AXIN1: variants seen among roughly 807,000 people sequenced by gnomAD.
AXIN1 encodes the protein axin 1.
In AXIN1, 30 loss-of-function variants were observed where a neutral mutation model predicts 76.4. That is an observed-to-expected ratio of 0.39 (90% CI 0.29 to 0.53). AXIN1 has a LOEUF of 0.53. AXIN1 is among the 20% of genes least tolerant of loss of function. AXIN1 has a pLI of 0.66. For missense variants in AXIN1, 1,140 were observed against 1,198.8 expected (o/e 0.95, Z 0.72); for synonymous variants, 545 against 501.4 (o/e 1.09, Z -1.16).
Position 289,595 on chromosome 16 carries a change from C to G in AXIN1, c.2307G>C (p.Gln769His), listed in dbSNP as rs2141469084. 6.2e-7 allele frequency: 1 copy of G among 1,612,828 alleles called. No homozygotes were observed. The highest frequency in any genetic ancestry group is 8.5e-7 in the Non-Finnish European group (1 of 1,179,910). The change falls in exon 10 of 11, where the codon CAG becomes CAC. Residue 769 changes from glutamine to histidine, a missense_variant. Gln to His is a conservative substitution (Grantham distance 24). This residue lies in a region of AXIN1 where 429 missense variants were observed against 405.8 expected (regional missense o/e 1.06). Transcript: ENST00000262320. ...MELSETETRS[Q>H]RKVGGGSAQP... ...GGGCACTCCCGCCGCCCACCTTCCTCTGCGATCTTGTCCTGGGGAAAGAGA... is the reference window on the plus strand; with the variant it reads ...GGGCACTCCCGCCGCCCACCTTCCTGTGCGATCTTGTCCTGGGGAAAGAGA...
intron 2 of AXIN1, among the ~76,000 whole-genome samples, chr16:326,394 T>TATATATATATATACACACAC (rs144093618): frequency 6.8e-4 from 81 of 119,610 alleles, no homozygotes; most frequent in Non-Finnish European, 9.7e-4. Context: ...TATATATATA[T>TATATATATATATACACACAC]ACACACCTAT....
intron 2 of AXIN1, among the ~76,000 whole-genome samples, chr16:324,555 T>A (rs1020006411): frequency 6.6e-6 from 1 of 152,280 alleles, no homozygotes; most frequent in Non-Finnish European, 1.5e-5. Context: ...CAAACACAAC[T>A]GAGCAGAAAA....
At chr16:288,862 G>A (rs988357778) in intron 10 of AXIN1, among the ~76,000 whole-genome samples, 2 of 152,208 alleles carry the variant, frequency 1.3e-5, no homozygotes, top group Non-Finnish European at 2.9e-5. Context: ...AGACAAGGTC[G>A]GCCTAGGGGA....
intron 1 of AXIN1, among the ~76,000 whole-genome samples, chr16:350,832 T>C (rs1222130832): frequency 1.3e-5 from 2 of 152,116 alleles, no homozygotes; most frequent in African/African-American, 4.8e-5. Flanking sequence ...TGAATGGAGA[T>C]CTTAAAACTG....
chr16:309,663 C>T (rs75135619), intron 4 of AXIN1, among the ~76,000 whole-genome samples: 3,360 of 152,324 alleles, frequency 0.022, 110 homozygotes, highest in African/African-American at 0.077. Flanking sequence ...AGAGCTCCCC[C>T]TCTTGAGGGG....
At position 288,257 on chromosome 16, in the gene AXIN1, C is replaced by T. The variant is rs768762328; in HGVS notation, c.2463-9G>A. On this transcript the variant is annotated splice_polypyrimidine_tract_variant and intron_variant, in intron 10 of 10. Coordinates refer to ENST00000262320, the MANE Select transcript of AXIN1 (RefSeq NM_003502.4). The stretch of plus-strand genomic sequence containing the variant: ...CTTTCTTGAAGTAGTATCTGCAGGA[C>T]GGAGGTGAGGAGGGCAGTGAGCAGG... 4.8e-5 allele frequency: 78 copies of T among 1,613,340 alleles called. No individual in the cohort carries two copies. The Admixed American group carries it at 8.7e-4, about 18-fold the overall frequency.
chr16:314,656 G>A lies in AXIN1; in HGVS notation c.906C>T (p.Asn302=), dbSNP rs2053259761. ...CATAGCCGGCATTGACATAATAGGG[G>A]TTGACTGGCTCCCGCCAGGATCCAT... The part of the protein sequence containing the change: ...FRYGSWREPV[N]PYYVNAGYAL... The change falls in exon 3 of 11, where the codon AAC becomes AAT. Residue 302 remains asparagine (N), a synonymous_variant. Transcript: ENST00000262320. 6.2e-7 allele frequency: 1 copy of A among 1,613,912 alleles called. No individual in the cohort carries two copies. The highest frequency in any genetic ancestry group is 8.5e-7 in the Non-Finnish European group (1 of 1,180,036).
intron 2 of AXIN1, among the ~76,000 whole-genome samples, chr16:343,743 G>A (rs1489435067): frequency 6.6e-6 from 1 of 150,736 alleles, no homozygotes; most frequent in Non-Finnish European, 1.5e-5. Flanking sequence ...GCCAGGTGCA[G>A]TGGCTCCCAC....
Position 314,637 on chromosome 16 carries a change from C to T in AXIN1, c.925G>A (p.Gly309Ser), listed in dbSNP as rs774810442. The T allele has an allele frequency of 7.4e-6, 12 of 1,613,854 alleles. No homozygotes were observed. The highest frequency in any genetic ancestry group is 5.3e-5 in the African/African-American group (4 of 74,924). The change falls in exon 3 of 11, where the codon GGC becomes AGC. Residue 309 changes from glycine (G) to serine (S), a missense_variant. Transcript: ENST00000262320. ...CTGGTGGCTGGGGCCAGGGCATAGC[C>T]GGCATTGACATAATAGGGGTTGACT... ...EPVNPYYVNA[G>S]YALAPATSAN... is the part of the protein sequence containing the mutation.
chr16:288,104 GGCCAGCCC>G lies in AXIN1; in HGVS notation c.*10_*17del, dbSNP rs761633822. On this transcript the variant is annotated 3_prime_UTR_variant, in exon 11 of 11. Coordinates refer to ENST00000262320, the MANE Select transcript of AXIN1 (RefSeq NM_003502.4). ...CGCCAAGGGCCTCGCCTGGCACAGC[GGCCAGCCC>G]ACCAGCCTATCAGTCCACCTTCTCC... 1.2e-6 allele frequency: 2 copies of G among 1,612,994 alleles called. No homozygotes were observed. Among genetic ancestry groups the G allele is most frequent in the African/African-American group, 1.3e-5 (1 of 75,062 alleles).
At chr16:324,675 C>T (rs1211833353) in intron 2 of AXIN1, among the ~76,000 whole-genome samples, 2 of 152,232 alleles carry the variant, frequency 1.3e-5, no homozygotes, top group Non-Finnish European at 2.9e-5. Context: ...CAAGCTAAGT[C>T]GTACTTTATA....
intron 2 of AXIN1, among the ~76,000 whole-genome samples, chr16:327,822 C>T (rs1320126780): frequency 6.6e-6 from 1 of 152,266 alleles, no homozygotes; most frequent in East Asian, 1.9e-4. Context: ...AGGCCAGGCA[C>T]ATGATGCAGA....
Position 293,218 on chromosome 16 carries a change from G to A in AXIN1, c.2186+270C>T. ...GGCCCTGCAGCCTCCCTGCAGACTG[G>A]GCTCAGGTTGAGGAGGGACCCCGCC... is the stretch of plus-strand genomic sequence containing the variant. On this transcript the variant is annotated intron_variant, in intron 8 of 10. Coordinates refer to ENST00000262320, the MANE Select transcript of AXIN1 (RefSeq NM_003502.4). This position sits in a 1 kb window ranked among gnomAD's most constrained non-coding sequence, Gnocchi z 4.6. 1 of 542,508 alleles carries A rather than the reference G, an allele frequency of 1.8e-6. No individual in the cohort carries two copies. The highest frequency in any genetic ancestry group is 3.3e-6 in the Non-Finnish European group (1 of 301,754). The allele number at this position is 542,508 out of a possible 1,614,324, so 33.6% of individuals were successfully genotyped here.
At chr16:337,962 T>C (rs533424941) in intron 2 of AXIN1, among the ~76,000 whole-genome samples, 6 of 152,338 alleles carry the variant, frequency 3.9e-5, no homozygotes, top group African/African-American at 1.4e-4. Flanking sequence ...CTGGAGCTAA[T>C]GGGTTCTGAG....
At chr16:342,102 G>C (rs8063927) in intron 2 of AXIN1, among the ~76,000 whole-genome samples, 19,077 of 149,318 alleles carry the variant, frequency 0.13, 1,319 homozygotes, top group African/African-American at 0.27. Context: ...CCCTTCCATA[G>C]TGTGGAAGCT....
At chr16:310,571 G>A (rs1029197852) in intron 3 of AXIN1, among the ~76,000 whole-genome samples, 1 of 152,188 alleles carries the variant, frequency 6.6e-6, no homozygotes, top group East Asian at 1.9e-4. Flanking sequence ...TAATTTTTTT[G>A]TATTTTTAGT....
intron 2 of AXIN1, among the ~76,000 whole-genome samples, chr16:317,438 A>G (rs985429345): frequency 6.6e-6 from 1 of 152,194 alleles, no homozygotes; most frequent in African/African-American, 2.4e-5. Context: ...GCCACAATGG[A>G]AAACACGGTT....
At chr16:342,384 G>A (rs946537202) in intron 2 of AXIN1, among the ~76,000 whole-genome samples, 2 of 152,136 alleles carry the variant, frequency 1.3e-5, no homozygotes, top group Admixed American at 1.3e-4. Context: ...CACCAATTCC[G>A]GACACACCGG....
intron 2 of AXIN1, among the ~76,000 whole-genome samples, chr16:318,989 A>AGAGAATGCG (rs1330025742): frequency 2.2e-5 from 3 of 137,990 alleles, no homozygotes. Flanking sequence ...GGCTGTGCGG[A>AGAGAATGCG]GAGAATGCGG....
Sources: allele counts gnomAD v4.1 joint callset (sites outside exome capture counted in the v4.1 genomes callset), GRCh38; gene constraint gnomAD v4.1.1; regional missense constraint gnomAD v4.1.1; non-coding constraint Gnocchi (gnomAD v3.1); transcripts MANE v1.5; gene names NCBI Gene and HGNC (gene_info 2026-07-23, HGNC 2026-07-21).